Variants in MFRP observed in about 807,000 individuals in gnomAD.
The protein encoded by MFRP is membrane frizzled-related protein.
Under a neutral mutation model 65.8 loss-of-function variants are expected in MFRP, and 74 were observed. The observed-to-expected ratio is 1.12, with a 90% CI of 0.93 to 1.36. The LOEUF (loss-of-function observed/expected upper bound fraction) is 1.36, where lower values mean the gene tolerates loss of function less well. Among genes scored for constraint, MFRP ranks in the 40% most tolerant of loss-of-function variants. MFRP has a pLI of 0.00. For missense variants in MFRP, 838 were observed against 736.0 expected (o/e 1.14, Z -1.60); for synonymous variants, 336 against 288.3 (o/e 1.17, Z -1.68).
At chr11:119,344,810 A>G (rs1950543191) in intron 6 of MFRP, 53 bp from the exon 7 acceptor site, 4 of 1,613,586 alleles carry the variant, frequency 2.5e-6, no homozygotes, top group Non-Finnish European at 2.5e-6. Context: ...CCCCTTTGAC[A>G]GGACTGGGAG....
At chr11:119,342,799 C>T (rs761110898) in intron 10 of MFRP, 72 bp from the exon 11 acceptor site, 13 of 1,613,082 alleles carry the variant, frequency 8.1e-6, no homozygotes, top group South Asian at 1.1e-5. Flanking sequence ...GTGTCCTGAC[C>T]AGGGTCCAGA....
chr11:119,341,911 G>C lies in MFRP; in HGVS notation c.1461C>G (p.Ile487Met), dbSNP rs202139926. 1 of 1,614,000 alleles carries C rather than the reference G, an allele frequency of 6.2e-7. No individual in the cohort carries two copies. The highest frequency in any genetic ancestry group is 8.5e-7 in the Non-Finnish European group (1 of 1,179,994). The change falls in exon 12 of 15, where the codon ATC becomes ATG. Residue 487 changes from isoleucine to methionine, a missense_variant. Transcript: ENST00000619721. The part of the protein sequence containing the change: ...LSYNTTAFPN[I>M]WVGMITQEEV... Reference sequence around the variant, plus strand: ...CCTCCTGGGTGATCATGCCCACCCAGATGTTAGGGAAGGCTGTGGTGTTGT... The same window carrying C: ...CCTCCTGGGTGATCATGCCCACCCACATGTTAGGGAAGGCTGTGGTGTTGT...
intron 4 of MFRP, 51 bp downstream of exon 4, chr11:119,345,722 C>T: frequency 6.2e-7 from 1 of 1,613,078 alleles, no homozygotes; most frequent in Non-Finnish European, 8.5e-7. Flanking sequence ...CCCTCAACCC[C>T]ACCCCGTCAT....
Position 119,345,827 on chromosome 11 carries a change from C to G in MFRP, c.373G>C (p.Ala125Pro). ...TCCTGCTGCCCTTTAGGGGTCCCAG[C>G]TGCCTGAGAGGTGGTGATGGTGGGG... ...TTPTITTSQA[A>P]GTPKGQQESG... The change falls in exon 4 of 15, where the codon GCT (alanine) becomes CCT (proline). Residue 125 changes from alanine to proline, a missense_variant. Transcript: ENST00000619721. 3 of 1,613,910 alleles carry G rather than the reference C, an allele frequency of 1.9e-6. No homozygotes were observed. The highest frequency in any genetic ancestry group is 1.7e-6 in the Non-Finnish European group (2 of 1,180,004).
At chr11:119,344,154 C>T (rs1209348397) in intron 8 of MFRP, among the ~76,000 whole-genome samples, 161 bp downstream of exon 8, 3 of 151,986 alleles carry the variant, frequency 2.0e-5, no homozygotes, top group Non-Finnish European at 4.4e-5. Flanking sequence ...CATCTGGGTA[C>T]ACAGCAGGCA....
At position 119,339,414 on chromosome 11, in the gene MFRP, T is replaced by A; in HGVS notation, c.*1545A>T. The A allele has an allele frequency of 6.2e-7, 1 of 1,613,464 alleles. No homozygotes were observed. The highest frequency in any genetic ancestry group is 1.1e-5 in the South Asian group (1 of 91,044). On this transcript the variant is annotated 3_prime_UTR_variant, in exon 15 of 15. Transcript: ENST00000619721. The surrounding 1 kb of genome is among the most constrained non-coding windows in gnomAD (Gnocchi z 5.4). ...CTGTCTGTCTTGATGCTGGCATAGA[T>A]GCCAATGTAGTCACCCACACCCACC...
In MFRP at chr11:119,341,655, C is replaced by T. The variant is rs910918145; in HGVS notation, c.1633G>A (p.Ala545Thr). Residue 545 changes from alanine (A) to threonine (T), a missense_variant, in exon 13 of 15, where the codon GCG (alanine) becomes ACG (threonine). By Grantham distance (58) the Ala-to-Thr change is moderately conservative. Coordinates refer to ENST00000619721, the MANE Select transcript of MFRP (RefSeq NM_031433.4). ...AGGCCAGACTGGCACTGGTGCTCCG[C>T]TTCCTGGCAGACAGAGCGGCAAGGG... is the stretch of plus-strand genomic sequence containing the variant. The part of the protein sequence containing the change: ...LPPCRSVCQE[A>T]EHQCQSGLAL... 8 of 1,613,026 alleles carry T rather than the reference C, an allele frequency of 5.0e-6. No individual in the cohort carries two copies. Among genetic ancestry groups the T allele is most frequent in the Non-Finnish European group, 6.8e-6 (8 of 1,180,020 alleles).
Position 119,344,401 on chromosome 11 carries a change from G to T in MFRP, c.899-10C>A, listed in dbSNP as rs370434693. On this transcript the variant is annotated splice_polypyrimidine_tract_variant and intron_variant, in intron 7 of 14. Coordinates refer to ENST00000619721, the MANE Select transcript of MFRP (RefSeq NM_031433.4). Reference sequence around the variant, plus strand: ...AGATTCCCCCCACACCCTGTAGAGAGGTGGAAGGGCTCATGAGTTTGCTAG... The same window carrying T: ...AGATTCCCCCCACACCCTGTAGAGATGTGGAAGGGCTCATGAGTTTGCTAG... 1.7e-5 allele frequency: 28 copies of T among 1,612,578 alleles called. No individual in the cohort carries two copies. The African/African-American group carries it at 2.8e-4, about 16-fold the overall frequency.
Position 119,339,958 on chromosome 11 carries a change from A to G in MFRP, c.*1111-110T>C. ...CCCCGCCCCTGCCTGAGCTTCGGCC[A>G]GCGCCTCCTCCCGCACGGGTACCTC... On this transcript the variant is annotated intron_variant, in intron 14 of 14. Coordinates refer to ENST00000619721, the MANE Select transcript of MFRP (RefSeq NM_031433.4). The surrounding 1 kb of genome is among the most constrained non-coding windows in gnomAD (Gnocchi z 5.4). 1 of 1,368,524 alleles carries G rather than the reference A, an allele frequency of 7.3e-7. No individual in the cohort carries two copies. 84.8% of individuals were successfully genotyped at this position (1,368,524 alleles called of 1,614,324 possible).
rs760387843 is a variant in MFRP at position 119,345,953 on chromosome 11, G to T, written c.272-25C>A. The T allele has an allele frequency of 2.5e-6, 4 of 1,613,512 alleles. No homozygotes were observed. In the African/African-American group the frequency reaches 5.3e-5, roughly 22 times the overall value. Reference sequence around the variant, plus strand: ...TCTGGAGGCGAGAAGATGGAGGGTGGCGTTCAGAGGAGCTGGGTCCTGGGA... The same window carrying T: ...TCTGGAGGCGAGAAGATGGAGGGTGTCGTTCAGAGGAGCTGGGTCCTGGGA... On this transcript the variant is annotated intron_variant, in intron 3 of 14. Coordinates refer to ENST00000619721, the MANE Select transcript of MFRP (RefSeq NM_031433.4).
In MFRP at chr11:119,341,945, C is replaced by G. The variant is rs773764110; in HGVS notation, c.1427G>C (p.Gly476Ala). ...GAAGGCTGTGGTGTTGTAGCTCAGA[C>G]CGAGGCACATCTCCACCTGGACAGG... The part of the protein sequence containing the change: ...CEPVQVEMCL[G>A]LSYNTTAFPN... The change falls in exon 12 of 15, where the codon GGT becomes GCT. Residue 476 changes from glycine to alanine, a missense_variant. Gly to Ala is a moderately conservative substitution (Grantham distance 60). Coordinates refer to ENST00000619721, the MANE Select transcript of MFRP (RefSeq NM_031433.4). 1.2e-6 allele frequency: 2 copies of G among 1,613,852 alleles called. No homozygotes were observed. Among genetic ancestry groups the G allele is most frequent in the African/African-American group, 2.7e-5 (2 of 74,924 alleles).
rs146971652 is a variant in MFRP, at chr11:119,339,670, G to T, written c.*1289C>A. The T allele has an allele frequency of 1.5e-4, 239 of 1,611,484 alleles. No individual in the cohort carries two copies. Among genetic ancestry groups the T allele is most frequent in the Admixed American group, 2.8e-4 (17 of 60,034 alleles). ...TGACGGCGTCGTAATGTCCCTGCTC[G>T]TTCACCAGCACGCGGTCGAAGGGCA... On this transcript the variant is annotated 3_prime_UTR_variant, in exon 15 of 15. Coordinates refer to ENST00000619721, the MANE Select transcript of MFRP (RefSeq NM_031433.4). This position sits in a 1 kb window ranked among gnomAD's most constrained non-coding sequence, Gnocchi z 5.4.
Position 119,341,541 on chromosome 11 carries a change from T to A in MFRP, c.*7A>T. 6.2e-7 allele frequency: 1 copy of A among 1,611,216 alleles called. No individual in the cohort carries two copies. Among genetic ancestry groups the A allele is most frequent in the South Asian group, 1.1e-5 (1 of 91,030 alleles). ...GGGCAGGAAGAGGGCAGGGGCCGGC[T>A]TCAGGGTCAGGGCTGGGCACAAGCT... is the stretch of plus-strand genomic sequence containing the variant. On this transcript the variant is annotated 3_prime_UTR_variant, in exon 13 of 15. Coordinates refer to ENST00000619721, the MANE Select transcript of MFRP (RefSeq NM_031433.4).
Position 119,346,626 on chromosome 11 carries a change from GA to G in MFRP, c.-114del. The G allele has an allele frequency of 3.6e-6, 4 of 1,102,506 alleles. No homozygotes were observed. The highest frequency in any genetic ancestry group is 5.5e-6 in the Non-Finnish European group (4 of 725,780). The allele number at this position is 1,102,506 out of a possible 1,614,324, so 68.3% of individuals were successfully genotyped here. A position where few individuals can be genotyped will look rare whatever the true frequency, so the allele number is the denominator to read the frequency against. On this transcript the variant is annotated 5_prime_UTR_variant, in exon 1 of 15. Coordinates refer to ENST00000619721, the MANE Select transcript of MFRP (RefSeq NM_031433.4). ...GAGGGGCAGCCTCTACTACCCGAGG[GA>G]AAAGGCTGCCAGGCTAGACCAGTTC...
chr11:119,342,612 G>C lies in MFRP; in HGVS notation c.1371C>G (p.Pro457=), dbSNP rs766197375. The part of the protein sequence containing the change: ...TDGSDDNCSG[P]LFPPPELACE... ...GCTTCTCACCTGGGGGTGGGAACAA[G>C]GGGCCGCTGCAGTTGTCATCGCTGC... Residue 457 remains proline, a synonymous_variant, in exon 11 of 15, where the codon CCC becomes CCG. Coordinates refer to ENST00000619721, the MANE Select transcript of MFRP (RefSeq NM_031433.4). 42 of 1,613,296 alleles carry C rather than the reference G, an allele frequency of 2.6e-5. No homozygotes were observed. The highest frequency in any genetic ancestry group is 3.5e-5 in the Non-Finnish European group (41 of 1,179,888).
At position 119,345,836 on chromosome 11, in the gene MFRP, A is replaced by G. The variant is rs750421729; in HGVS notation, c.364T>C (p.Ser122Pro). 12 of 1,613,548 alleles carry G rather than the reference A, an allele frequency of 7.4e-6. No individual in the cohort carries two copies. In the Admixed American group the frequency reaches 2.0e-4, roughly 27 times the overall value. ...CCTTTAGGGGTCCCAGCTGCCTGAG[A>G]GGTGGTGATGGTGGGGGTGGTGGTG... ...TTTTTPTITTSQAAGTPKGQQ... is the reference protein window; with the variant it reads ...TTTTTPTITTPQAAGTPKGQQ... Residue 122 changes from serine to proline, a missense_variant, in exon 4 of 15, where the codon TCT becomes CCT. Ser to Pro is a moderately conservative substitution (Grantham distance 74, BLOSUM62 -1). Transcript: ENST00000619721.
intron 8 of MFRP, 42 bp from the exon 9 acceptor site, chr11:119,344,006 C>T: frequency 1.2e-6 from 2 of 1,608,142 alleles, no homozygotes; most frequent in Non-Finnish European, 1.7e-6. Context: ...GCCCCTTCTC[C>T]TGTCTCATCC....
rs1591301458 is a variant in MFRP at position 119,341,451 on chromosome 11, A to G, written c.*97T>C. 9.6e-7 allele frequency: 1 copy of G among 1,037,312 alleles called. No individual in the cohort carries two copies. The highest frequency in any genetic ancestry group is 1.4e-6 in the Non-Finnish European group (1 of 692,468). The allele number at this position is 1,037,312 out of a possible 1,614,324, so 64.3% of individuals were successfully genotyped here. A position where few individuals can be genotyped will look rare whatever the true frequency, so the allele number is the denominator to read the frequency against. Reference sequence around the variant, plus strand: ...CTGGGAGCCCCAGAGAAGGATGGGTAGAGACCCTGCTGATGCTCCTTCCTT... The same window carrying G: ...CTGGGAGCCCCAGAGAAGGATGGGTGGAGACCCTGCTGATGCTCCTTCCTT... On this transcript the variant is annotated 3_prime_UTR_variant, in exon 13 of 15. Coordinates refer to ENST00000619721, the MANE Select transcript of MFRP (RefSeq NM_031433.4).
chr11:119,344,418 G>A (rs2135371613), intron 7 of MFRP, 27 bp from the exon 8 acceptor site: 4 of 1,607,036 alleles, frequency 2.5e-6, no homozygotes, highest in East Asian at 4.5e-5. Context: ...GGGCTCATGA[G>A]TTTGCTAGGA....
Sources: allele counts gnomAD v4.1 joint callset (sites outside exome capture counted in the v4.1 genomes callset), GRCh38; gene constraint gnomAD v4.1.1; non-coding constraint Gnocchi (gnomAD v3.1); transcripts MANE v1.5; gene names NCBI Gene and HGNC (gene_info 2026-07-23, HGNC 2026-07-21).